SDK1: variants seen among roughly 807,000 people sequenced by gnomAD.
The protein encoded by SDK1 is protein sidekick-1.
Under a neutral mutation model 245.5 loss-of-function variants are expected in SDK1, and 157 were observed. The ratio of observed to expected loss-of-function variants is 0.64; its 90% CI spans 0.56 to 0.73. The LOEUF (loss-of-function observed/expected upper bound fraction) is 0.73, where lower values mean the gene tolerates loss of function less well. Ranked by LOEUF, SDK1 falls within the 30% of genes least tolerant of loss-of-function variation. The pLI, the probability that SDK1 is intolerant of heterozygous loss-of-function variation, is 0.00. For synonymous variants in SDK1, 1,647 were observed against 1,278.5 expected, an observed-to-expected ratio of 1.29 and a Z score of -6.15; for missense variants, 3,583 against 3,002.3, an observed-to-expected ratio of 1.19 and a Z score of -4.52.
At chr7:3,367,938 C>G (rs1245067488) in intron 1 of SDK1, among the ~76,000 whole-genome samples, 3 of 152,172 alleles carry the variant, frequency 2.0e-5, no homozygotes, top group African/African-American at 7.2e-5. Context: ...TAAATTTCCA[C>G]TTATTGCATG....
Position 4,174,332 on chromosome 7 carries a change from T to C in SDK1, c.4911T>C (p.Pro1637=). 1.2e-6 allele frequency: 2 copies of C among 1,613,880 alleles called. No individual in the cohort carries two copies. The highest frequency in any genetic ancestry group is 2.2e-5 in the East Asian group (1 of 44,868). ...CTGAGGCCAAGACGCTCAAAAACCC[T>C]ATAGCTTTACATGCTGAGCTCACAG... is the stretch of plus-strand genomic sequence containing the variant. ...SGTEAKTLKN[P]IALHAELTAQ... is the part of the protein sequence containing the mutation. The change falls in exon 33 of 45, where the codon CCT becomes CCC. Residue 1637 remains proline (P), a synonymous_variant. Coordinates refer to ENST00000404826, the MANE Select transcript of SDK1 (RefSeq NM_152744.4).
intron 19 of SDK1, among the ~76,000 whole-genome samples, chr7:4,058,763 C>G (rs1779356984): frequency 6.6e-6 from 1 of 152,144 alleles, no homozygotes; most frequent in South Asian, 2.1e-4. Context: ...TTACCCTTCA[C>G]AAATGAAAGA....
At position 4,267,496 on chromosome 7, in the gene SDK1, G is replaced by A. The variant is rs78787571; in HGVS notation, c.*2112G>A. The A allele has an allele frequency of 1.7e-4, 170 of 985,382 alleles. No individual in the cohort carries two copies. The East Asian group carries it at 0.015, about 88-fold the overall frequency. The allele number at this position is 985,382 out of a possible 1,614,324, so 61.0% of individuals were successfully genotyped here. ...TGGACAGTGCCACCTCCTTCCCCTC[G>A]GCCCCGGAGAGGGCGAAGTGGGCGG... On this transcript the variant is annotated 3_prime_UTR_variant, in exon 45 of 45. Coordinates refer to ENST00000404826, the MANE Select transcript of SDK1 (RefSeq NM_152744.4).
At chr7:4,153,709 G>A (rs1562894304) in intron 30 of SDK1, among the ~76,000 whole-genome samples, 1 of 152,160 alleles carries the variant, frequency 6.6e-6, no homozygotes, top group African/African-American at 2.4e-5. Context: ...ATTTGTTTTT[G>A]TCTGTCACCT....
intron 44 of SDK1, among the ~76,000 whole-genome samples, chr7:4,248,490 A>G (rs1365174608): frequency 1.3e-5 from 2 of 151,590 alleles, no homozygotes; most frequent in Non-Finnish European, 2.9e-5. Flanking sequence ...AATACACACA[A>G]CATATACACA....
At chr7:4,018,335 C>T (rs12154868) in intron 17 of SDK1, among the ~76,000 whole-genome samples, 8,276 of 152,250 alleles carry the variant, frequency 0.054, 303 homozygotes, top group Middle Eastern at 0.11. Context: ...ATATTACATG[C>T]TTTTATTATC....
At chr7:3,639,678 G>A (rs139921724) in intron 3 of SDK1, among the ~76,000 whole-genome samples, 1 of 152,144 alleles carries the variant, frequency 6.6e-6, no homozygotes, top group Non-Finnish European at 1.5e-5. Flanking sequence ...TTTTCATGTA[G>A]TCTTGAGGAG....
chr7:4,151,179 C>G (rs565514545), intron 30 of SDK1, among the ~76,000 whole-genome samples: 1 of 152,154 alleles, frequency 6.6e-6, no homozygotes, highest in African/African-American at 2.4e-5. Flanking sequence ...CACGGACCAT[C>G]GGGAACCCAT....
rs1784722733 is a variant in SDK1, at chr7:3,996,785, A to G, written c.2131+9463A>G. ...AGGTAGACGATCATATCTTTTCCAA[A>G]TAATACAAATGTATTGTTTTCTTTT... On this transcript the variant is annotated intron_variant, in intron 14 of 44. Transcript: ENST00000404826. 1.3e-5 allele frequency among the ~76,000 whole-genome samples: 2 copies of G among 152,208 alleles called. 1 individual carries two copies. Among genetic ancestry groups the G allele is most frequent in the South Asian group, 4.1e-4 (2 of 4,828 alleles).
At chr7:3,750,136 C>T (rs1348124232) in intron 4 of SDK1, among the ~76,000 whole-genome samples, 1 of 152,180 alleles carries the variant, frequency 6.6e-6, no homozygotes, top group African/African-American at 2.4e-5. Context: ...GTTATTTTGA[C>T]TGGTTCAATT....
chr7:3,795,021 G>C (rs1254439022), intron 4 of SDK1, among the ~76,000 whole-genome samples: 1 of 152,098 alleles, frequency 6.6e-6, no homozygotes, highest in Non-Finnish European at 1.5e-5. Flanking sequence ...TAGAAACTTT[G>C]CAGATGTAGC....
chr7:3,599,161 C>T (rs927911516), intron 1 of SDK1, among the ~76,000 whole-genome samples: 3 of 143,946 alleles, frequency 2.1e-5, no homozygotes, highest in African/African-American at 7.7e-5. Flanking sequence ...TTACTGTAGC[C>T]ATTCCGATAG....
At chr7:4,237,848 T>C (rs939037284) in intron 42 of SDK1, 64 bp downstream of exon 42, 1 of 1,582,834 alleles carries the variant, frequency 6.3e-7, no homozygotes, top group Admixed American at 1.7e-5. Context: ...TAGCGTTCGT[T>C]CTCTCGTGGA....
rs1158085335 is a variant in SDK1, at chr7:3,397,370, TCTG to T, written c.298+95490_298+95492del. Reference sequence around the variant, plus strand: ...CCTTTAGTGTTTCTTGTAGAGCAATTCTGCTGGTGACAAATTCTCTCATTTTTT... The same window carrying T: ...CCTTTAGTGTTTCTTGTAGAGCAATTCTGGTGACAAATTCTCTCATTTTTT... On this transcript the variant is annotated intron_variant, in intron 1 of 44. Transcript: ENST00000404826. Among the ~76,000 whole-genome samples the T allele has an allele frequency of 3.3e-5, 5 of 152,088 alleles. 1 individual carries two copies. Among genetic ancestry groups the T allele is most frequent in the African/African-American group, 7.2e-5 (3 of 41,552 alleles).
intron 4 of SDK1, among the ~76,000 whole-genome samples, chr7:3,661,304 G>A (rs537815455): frequency 2.0e-5 from 3 of 152,300 alleles, no homozygotes; most frequent in Non-Finnish European, 4.4e-5. Flanking sequence ...AACATTGCTG[G>A]ATTAAATTTT....
At chr7:3,574,394 G>C (rs1057005165) in intron 1 of SDK1, among the ~76,000 whole-genome samples, 1 of 152,070 alleles carries the variant, frequency 6.6e-6, no homozygotes, top group Non-Finnish European at 1.5e-5. Context: ...GGGATTACAG[G>C]CATGAGCCAC....
intron 5 of SDK1, among the ~76,000 whole-genome samples, chr7:3,949,157 TC>T (rs1334218888): frequency 6.6e-6 from 1 of 152,070 alleles, no homozygotes; most frequent in Non-Finnish European, 1.5e-5. Context: ...GCTTCGAGGG[TC>T]CGCTGCAGAG....
intron 2 of SDK1, among the ~76,000 whole-genome samples, chr7:3,625,262 A>G (rs1782077673): frequency 6.6e-6 from 1 of 152,250 alleles, no homozygotes; most frequent in African/African-American, 2.4e-5. Flanking sequence ...AAACTTCATC[A>G]GAAACCGATC....
intron 5 of SDK1, among the ~76,000 whole-genome samples, chr7:3,846,369 G>A (rs529207646): frequency 3.9e-5 from 6 of 152,296 alleles, no homozygotes; most frequent in African/African-American, 1.4e-4. Flanking sequence ...GGGAATTCCA[G>A]CCTTTGATTT....
Sources: allele counts gnomAD v4.1 joint callset (sites outside exome capture counted in the v4.1 genomes callset), GRCh38; gene constraint gnomAD v4.1.1; transcripts MANE v1.5; gene names NCBI Gene and HGNC (gene_info 2026-07-23, HGNC 2026-07-21).